The following HYAL4 variants were observed in gnomAD, a reference collection of about 807,000 sequenced individuals.
The protein encoded by HYAL4 is hyaluronidase 4, also known as hyaluronidase-4.
A neutral mutation model predicts 35.2 loss-of-function variants in HYAL4; 37 were observed. The observed-to-expected ratio is 1.05, with a 90% CI of 0.81 to 1.38. The LOEUF (loss-of-function observed/expected upper bound fraction) is 1.38. Ranked by LOEUF, HYAL4 falls within the 40% of genes most tolerant of loss-of-function variation. The probability of loss-of-function intolerance (pLI) is 0.00; values close to 1 mark genes in which losing one functional copy is unlikely to be tolerated. For synonymous variants in HYAL4, 198 were observed against 203.2 expected, an observed-to-expected ratio of 0.97 and a Z score of 0.22; for missense variants, 572 against 572.4, an observed-to-expected ratio of 1.00 and a Z score of 0.01.
chr7:123,871,573 C>T lies in HYAL4; in HGVS notation c.954+2346C>T, dbSNP rs150076882. 1.2e-4 allele frequency among the ~76,000 whole-genome samples: 19 copies of T among 152,180 alleles called. 1 individual carries two copies. Among genetic ancestry groups the T allele is most frequent in the Non-Finnish European group, 2.6e-4 (18 of 68,022 alleles). Reference sequence around the variant, plus strand: ...TTAATGGCTTCCATTTCTGATTTTCCCAACAATGTCTGAATTTTAGAATGC... The same window carrying T: ...TTAATGGCTTCCATTTCTGATTTTCTCAACAATGTCTGAATTTTAGAATGC... On this transcript the variant is annotated intron_variant, in intron 3 of 4. Coordinates refer to ENST00000223026, the MANE Select transcript of HYAL4 (RefSeq NM_012269.3).
the HYAL4 span, among the ~76,000 whole-genome samples, chr7:123,771,502 T>A: frequency 6.6e-6 from 1 of 152,196 alleles, no homozygotes; most frequent in African/African-American, 2.4e-5. Context: ...GTTACCCAGC[T>A]TGTTATTCTC....
the HYAL4 span, among the ~76,000 whole-genome samples, chr7:123,778,747 A>G: frequency 2.0e-5 from 3 of 152,194 alleles, no homozygotes; most frequent in Non-Finnish European, 4.4e-5. Flanking sequence ...GTAAAATTTC[A>G]GGTTTTACCT....
chr7:123,819,945 C>T, the HYAL4 span, among the ~76,000 whole-genome samples: 1 of 145,866 alleles, frequency 6.9e-6, no homozygotes, highest in Non-Finnish European at 1.5e-5. Context: ...GACTGGAGTG[C>T]AGTGGCGCAA....
chr7:123,788,630 T>C, the HYAL4 span, among the ~76,000 whole-genome samples: 1 of 152,242 alleles, frequency 6.6e-6, no homozygotes, highest in Non-Finnish European at 1.5e-5. Context: ...AAGTACACAC[T>C]GTTCATGGAG....
chr7:123,843,467 A>G (rs546972701), upstream of HYAL4, among the ~76,000 whole-genome samples: 10 of 151,928 alleles, frequency 6.6e-5, no homozygotes, highest in South Asian at 1.5e-3. Context: ...GAATCTGACA[A>G]TTATGTGTCT....
chr7:123,833,073 C>T (rs924733742), intron 1 of HYAL4, among the ~76,000 whole-genome samples: 7 of 151,978 alleles, frequency 4.6e-5, no homozygotes, highest in African/African-American at 1.7e-4. Flanking sequence ...TGTGCAATGA[C>T]TTCTTTTCCT....
the HYAL4 span, chr7:123,814,066 T>A: frequency 6.6e-6 from 1 of 152,198 alleles, no homozygotes; most frequent in Admixed American, 6.5e-5. Context: ...TTAAGAGACA[T>A]TTGACTCCAT....
At chr7:123,825,414 A>G (rs1805791010), upstream of HYAL4, among the ~76,000 whole-genome samples, 1 of 152,254 alleles carries the variant, frequency 6.6e-6, no homozygotes, top group East Asian at 1.9e-4. Context: ...CCAACTCTAG[A>G]AGCAATAATT....
At chr7:123,876,388 T>C (rs1223691668) in intron 4 of HYAL4, among the ~76,000 whole-genome samples, 1 of 152,236 alleles carries the variant, frequency 6.6e-6, no homozygotes, top group Non-Finnish European at 1.5e-5. Flanking sequence ...TTTGTTCCTT[T>C]TCCTTTTATA....
At chr7:123,778,200 C>G in the HYAL4 span, among the ~76,000 whole-genome samples, 2 of 135,386 alleles carry the variant, frequency 1.5e-5, no homozygotes, top group Non-Finnish European at 3.2e-5. Flanking sequence ...TATCTATCAC[C>G]TATTCGTATT....
chr7:123,795,695 A>T, the HYAL4 span, among the ~76,000 whole-genome samples: 1 of 152,216 alleles, frequency 6.6e-6, no homozygotes, highest in Non-Finnish European at 1.5e-5. Context: ...ACTTAAGTCA[A>T]TTGAACCTCT....
chr7:123,800,640 T>G, the HYAL4 span, among the ~76,000 whole-genome samples: 1 of 151,638 alleles, frequency 6.6e-6, no homozygotes, highest in African/African-American at 2.4e-5. Context: ...AATCTCAATG[T>G]AATTTTTTTC....
the HYAL4 span, among the ~76,000 whole-genome samples, chr7:123,777,454 G>T: frequency 3.9e-3 from 593 of 152,052 alleles, 2 homozygotes; most frequent in African/African-American, 9.4e-3. Flanking sequence ...TTATACATGT[G>T]GCTTGCATTA....
chr7:123,856,757 C>T (rs1003574298), intron 2 of HYAL4, among the ~76,000 whole-genome samples: 2 of 152,322 alleles, frequency 1.3e-5, no homozygotes, highest in African/African-American at 2.4e-5. Context: ...CAGGCAGGAA[C>T]ATTTAAGTCT....
At chr7:123,824,360 G>A (rs945954019), upstream of HYAL4, among the ~76,000 whole-genome samples, 2 of 152,124 alleles carry the variant, frequency 1.3e-5, no homozygotes, top group Non-Finnish European at 2.9e-5. Flanking sequence ...GGTATGGTGA[G>A]TTCTTTTGTT....
intron 2 of HYAL4, among the ~76,000 whole-genome samples, chr7:123,864,137 A>G (rs147824748): frequency 6.6e-6 from 1 of 152,262 alleles, no homozygotes; most frequent in Admixed American, 6.5e-5. Flanking sequence ...CTATGAAACC[A>G]AGGTCAACAT....
At chr7:123,858,212 G>A (rs1341779141) in intron 2 of HYAL4, among the ~76,000 whole-genome samples, 2 of 152,042 alleles carry the variant, frequency 1.3e-5, no homozygotes, top group Non-Finnish European at 2.9e-5. Flanking sequence ...AAATGTATGT[G>A]TAGCAACCAT....
intron 2 of HYAL4, among the ~76,000 whole-genome samples, chr7:123,851,009 T>G (rs981461429): frequency 5.3e-5 from 8 of 152,226 alleles, no homozygotes; most frequent in Non-Finnish European, 2.9e-5. Context: ...CAAATAAACT[T>G]ATTTTTAAAG....
intron 4 of HYAL4, chr7:123,876,084 TGGG>T: frequency 2.2e-6 from 1 of 456,534 alleles, no homozygotes; most frequent in South Asian, 1.5e-5. Flanking sequence ...ATCAGGAAGG[TGGG>T]TGCACACAGG....
Sources: allele counts gnomAD v4.1 joint callset (sites outside exome capture counted in the v4.1 genomes callset), GRCh38; gene constraint gnomAD v4.1.1; transcripts MANE v1.5; gene names NCBI Gene and HGNC (gene_info 2026-07-23, HGNC 2026-07-21).